The following DECR1 variants were observed in gnomAD, a reference collection of about 807,000 sequenced individuals.
The protein encoded by DECR1 is 2,4-dienoyl-CoA reductase [(3E)-enoyl-CoA-producing], mitochondrial.
Under a neutral mutation model 38.8 loss-of-function variants are expected in DECR1, and 44 were observed. That is an observed-to-expected ratio of 1.13 (90% CI 0.89 to 1.46). The LOEUF (loss-of-function observed/expected upper bound fraction) is 1.46, where lower values mean the gene tolerates loss of function less well. DECR1 is among the 40% of genes most tolerant of loss of function. The pLI, the probability that DECR1 is intolerant of heterozygous loss-of-function variation, is 0.00. For missense variants in DECR1, 428 were observed against 405.5 expected, an observed-to-expected ratio of 1.06 and a Z score of -0.48; for synonymous variants, 148 against 135.2, an observed-to-expected ratio of 1.09 and a Z score of -0.66.
In DECR1 at chr8:90,024,648, A is replaced by T. The variant is rs530131338; in HGVS notation, c.565+3592A>T. Among the ~76,000 whole-genome samples, 24 of 151,966 alleles carry T rather than the reference A, an allele frequency of 1.6e-4. No homozygotes were observed. In the South Asian group the frequency reaches 4.8e-3, roughly 30 times the overall value. ...TTTGTCAGATGGGTAGATTGCATAA[A>T]TTTTCTCCCATTCTGTAGGTTGCCT... On this transcript the variant is annotated intron_variant, in intron 5 of 9. Coordinates refer to ENST00000220764, the MANE Select transcript of DECR1 (RefSeq NM_001359.2).
intron 6 of DECR1, among the ~76,000 whole-genome samples, chr8:90,039,274 CTGGGTAATTTATA>C (rs1227998978): frequency 7.5e-6 from 1 of 132,862 alleles, no homozygotes; most frequent in African/African-American, 3.3e-5. Context: ...ATACCTGAGA[CTGGGTAATTTATA>C]AAGAAAAGAG....
chr8:90,041,461 T>C (rs569581483), intron 6 of DECR1, among the ~76,000 whole-genome samples: 23 of 152,244 alleles, frequency 1.5e-4, no homozygotes, highest in Non-Finnish European at 2.2e-4. Context: ...TTTCTTTTGC[T>C]GTGCACAAGT....
At chr8:90,004,673 C>G (rs1397471820) in intron 1 of DECR1, among the ~76,000 whole-genome samples, 1 of 152,012 alleles carries the variant, frequency 6.6e-6, no homozygotes, top group African/African-American at 2.4e-5. Context: ...AATCTGGAAG[C>G]CTAAGTATTT....
chr8:90,046,311 C>A (rs1164054541), intron 8 of DECR1, among the ~76,000 whole-genome samples: 1 of 152,088 alleles, frequency 6.6e-6, no homozygotes, highest in Non-Finnish European at 1.5e-5. Flanking sequence ...TAGATGATGG[C>A]TAACTAGAAT....
rs568404009 is a variant in DECR1, at chr8:90,009,458, C to T, written c.70-7666C>T. ...TATTTAACTTAATTTCTTTATCCCT[C>T]ATTCCCCCAAGGATAATCTTGCTGA... On this transcript the variant is annotated intron_variant, in intron 1 of 9. Coordinates refer to ENST00000220764, the MANE Select transcript of DECR1 (RefSeq NM_001359.2). 3.3e-5 allele frequency among the ~76,000 whole-genome samples: 5 copies of T among 151,966 alleles called. No individual in the cohort carries two copies. In the South Asian group the frequency reaches 6.2e-4, roughly 19 times the overall value.
At position 90,053,268 on chromosome 8, in the gene DECR1, CAT is replaced by C. The variant is rs1017932180; in HGVS notation, c.*1373_*1374del. On this transcript the variant is annotated 3_prime_UTR_variant, in exon 10 of 10. Transcript: ENST00000220764. ...ATAAAAGAAAGAGGTTTCATTGACT[CAT>C]AGTTCAGCATGGCTAGGGAGGCCTC... Among the ~76,000 whole-genome samples, 1 of 152,172 alleles carries C rather than the reference CAT, an allele frequency of 6.6e-6. No individual in the cohort carries two copies. The highest frequency in any genetic ancestry group is 6.6e-5 in the Admixed American group (1 of 15,266).
At chr8:90,038,535 C>A (rs913112719) in intron 6 of DECR1, among the ~76,000 whole-genome samples, 1 of 149,634 alleles carries the variant, frequency 6.7e-6, no homozygotes, top group Non-Finnish European at 1.5e-5. Context: ...CTTGGCTCAC[C>A]GCAACCTGTG....
chr8:90,010,487 A>G (rs1482281910), intron 1 of DECR1, among the ~76,000 whole-genome samples: 1 of 152,234 alleles, frequency 6.6e-6, no homozygotes, highest in Non-Finnish European at 1.5e-5. Flanking sequence ...CAATCGGACA[A>G]AATAAATTGG....
chr8:90,031,993 C>A (rs1321726370), intron 5 of DECR1, among the ~76,000 whole-genome samples: 2 of 152,054 alleles, frequency 1.3e-5, no homozygotes, highest in African/African-American at 4.8e-5. Context: ...CACAAATGAC[C>A]ACAAACTTAA....
chr8:90,043,275 C>G (rs951282260), intron 7 of DECR1, among the ~76,000 whole-genome samples: 11 of 151,950 alleles, frequency 7.2e-5, no homozygotes, highest in Admixed American at 1.3e-4. Context: ...ATGCTTGTGC[C>G]CTTTCACTCT....
chr8:90,020,803 A>G (rs1813135103), intron 4 of DECR1, 106 bp from the exon 5 acceptor site: 1 of 893,430 alleles, frequency 1.1e-6, no homozygotes, highest in Non-Finnish European at 1.6e-6. Flanking sequence ...TGTGGACTTC[A>G]ACTTTATTGT....
At chr8:90,032,369 C>T (rs935519183) in intron 5 of DECR1, among the ~76,000 whole-genome samples, 5 of 152,152 alleles carry the variant, frequency 3.3e-5, no homozygotes, top group African/African-American at 1.2e-4. Context: ...TCTTCTACCA[C>T]ATCTCTCTTG....
chr8:90,048,686 T>C (rs1372839378), intron 8 of DECR1, among the ~76,000 whole-genome samples: 1 of 152,238 alleles, frequency 6.6e-6, no homozygotes, highest in Non-Finnish European at 1.5e-5. Flanking sequence ...ACTCATTTTA[T>C]GAGGCCAGCA....
At chr8:90,005,244 T>G in intron 1 of DECR1, 1 of 444,092 alleles carries the variant, frequency 2.3e-6, no homozygotes, top group South Asian at 1.6e-5. Context: ...CAGGGTATGG[T>G]GGGCTTTTCT....
chr8:90,010,876 T>C (rs1453091155), intron 1 of DECR1, among the ~76,000 whole-genome samples: 1 of 152,246 alleles, frequency 6.6e-6, no homozygotes, highest in African/African-American at 2.4e-5. Context: ...TTTCTTGCTC[T>C]GTTTTCCTCT....
At chr8:90,048,733 CAAA>C (rs536214166) in intron 8 of DECR1, among the ~76,000 whole-genome samples, 1 of 151,898 alleles carries the variant, frequency 6.6e-6, no homozygotes, top group Admixed American at 6.6e-5. Flanking sequence ...GATACAACAA[CAAA>C]AAAAGAGAAT....
At chr8:90,049,288 C>T (rs1352354697) in intron 8 of DECR1, among the ~76,000 whole-genome samples, 2 of 152,212 alleles carry the variant, frequency 1.3e-5, no homozygotes, top group African/African-American at 2.4e-5. Flanking sequence ...CCCATCATCT[C>T]AGCCCAAAAC....
At chr8:90,031,452 T>C (rs767922045) in intron 5 of DECR1, among the ~76,000 whole-genome samples, 29 of 152,162 alleles carry the variant, frequency 1.9e-4, no homozygotes, top group Admixed American at 3.9e-4. Context: ...CTTCTTACTA[T>C]AATTAAACTT....
At chr8:90,017,518 A>G (rs1331284208) in intron 2 of DECR1, among the ~76,000 whole-genome samples, 192 bp downstream of exon 2, 1 of 152,234 alleles carries the variant, frequency 6.6e-6, no homozygotes, top group East Asian at 1.9e-4. Context: ...TGAAAGAAAC[A>G]ATGAAAATTG....
Sources: gnomAD v4.1 joint callset for allele counts (sites outside exome capture counted in the v4.1 genomes callset) on GRCh38, gnomAD v4.1.1 for gene constraint, MANE v1.5 for transcripts, NCBI Gene and HGNC (gene_info 2026-07-23, HGNC 2026-07-21) for gene names.